The following MSRA variants were observed in gnomAD, a reference collection of about 807,000 sequenced individuals.
The protein encoded by MSRA is methionine sulfoxide reductase A.
Under a neutral mutation model 31.3 loss-of-function variants are expected in MSRA, and 54 were observed. That is an observed-to-expected ratio of 1.73 (90% CI 1.39 to 2.17). The LOEUF (loss-of-function observed/expected upper bound fraction) is 2.17, where lower values mean the gene tolerates loss of function less well. Ranked by LOEUF, MSRA falls within the 30% of genes most tolerant of loss-of-function variation. The probability of loss-of-function intolerance (pLI) is 0.00; values close to 1 mark genes in which losing one functional copy is unlikely to be tolerated. For missense variants in MSRA, 507 were observed against 300.9 expected (o/e 1.69, Z -5.07); for synonymous variants, 169 against 116.5 (o/e 1.45, Z -2.90).
intron 1 of MSRA, among the ~76,000 whole-genome samples, chr8:10,188,692 C>G (rs1050755082): frequency 3.9e-5 from 6 of 152,146 alleles, no homozygotes; most frequent in African/African-American, 1.4e-4. Flanking sequence ...ATCTCAGCAC[C>G]CTTGTCACAA....
intron 5 of MSRA, among the ~76,000 whole-genome samples, chr8:10,420,625 A>G (rs1263086939): frequency 2.0e-5 from 3 of 152,100 alleles, no homozygotes; most frequent in Non-Finnish European, 4.4e-5. Flanking sequence ...TTACTAACCC[A>G]GCCAGGTTCA....
At chr8:10,060,575 C>G (rs1253863431) in intron 1 of MSRA, among the ~76,000 whole-genome samples, 1 of 150,616 alleles carries the variant, frequency 6.6e-6, no homozygotes, top group Non-Finnish European at 1.5e-5. Context: ...TGAAGATGAT[C>G]TGTCTCGCTG....
At chr8:10,175,188 C>T (rs918478459) in intron 1 of MSRA, among the ~76,000 whole-genome samples, 4 of 152,136 alleles carry the variant, frequency 2.6e-5, no homozygotes, top group African/African-American at 4.8e-5. Flanking sequence ...TGAGATGCCA[C>T]GATGGTCACA....
chr8:10,214,542 G>C (rs1047686517), intron 2 of MSRA, among the ~76,000 whole-genome samples: 2 of 147,384 alleles, frequency 1.4e-5, no homozygotes, highest in African/African-American at 4.9e-5. Context: ...CCGGTGTGGC[G>C]TATTTCTCCC....
chr8:10,300,682 C>G (rs1800795571), intron 3 of MSRA, among the ~76,000 whole-genome samples: 1 of 152,166 alleles, frequency 6.6e-6, no homozygotes, highest in South Asian at 2.1e-4. Flanking sequence ...CCATGCCCAG[C>G]TTGCCAAATT....
At chr8:10,233,709 A>G (rs528956182) in intron 2 of MSRA, among the ~76,000 whole-genome samples, 2 of 152,364 alleles carry the variant, frequency 1.3e-5, no homozygotes, top group African/African-American at 2.4e-5. Context: ...AGATGTGTCA[A>G]CTGACATGTA....
chr8:10,321,694 G>A (rs1802051426), intron 5 of MSRA, among the ~76,000 whole-genome samples: 2 of 152,198 alleles, frequency 1.3e-5, no homozygotes, highest in Non-Finnish European at 2.9e-5. Flanking sequence ...GTTACCGCGT[G>A]AGAGATGGTA....
Position 10,428,134 on chromosome 8 carries a change from C to A in MSRA, c.544-14C>A. On this transcript the variant is annotated splice_polypyrimidine_tract_variant and intron_variant, in intron 5 of 5. Transcript: ENST00000317173. Reference sequence around the variant, plus strand: ...TAGCATGGGAGCTGATGGCGCCTTTCTGTGTCCCCACAGGTTCTTTCAGAG... The same window carrying A: ...TAGCATGGGAGCTGATGGCGCCTTTATGTGTCCCCACAGGTTCTTTCAGAG... 1 of 1,606,338 alleles carries A rather than the reference C, an allele frequency of 6.2e-7. No homozygotes were observed.
At chr8:10,226,854 G>T (rs1312417582) in intron 2 of MSRA, among the ~76,000 whole-genome samples, 1 of 152,164 alleles carries the variant, frequency 6.6e-6, no homozygotes, top group Non-Finnish European at 1.5e-5. Flanking sequence ...TTGCTCTCAG[G>T]TCCTCAGGAG....
At chr8:10,256,343 G>A (rs987773710) in intron 3 of MSRA, among the ~76,000 whole-genome samples, 2 of 152,174 alleles carry the variant, frequency 1.3e-5, no homozygotes, top group African/African-American at 2.4e-5. Flanking sequence ...TGGCCTGGAT[G>A]TACCCCAGTT....
intron 1 of MSRA, among the ~76,000 whole-genome samples, chr8:10,067,574 G>A (rs1797522593): frequency 6.6e-6 from 1 of 152,094 alleles, no homozygotes; most frequent in Non-Finnish European, 1.5e-5. Flanking sequence ...TGGGTTGTAT[G>A]GTATATGTAG....
intron 5 of MSRA, among the ~76,000 whole-genome samples, chr8:10,333,037 A>G (rs550490125): frequency 2.0e-5 from 3 of 152,316 alleles, no homozygotes; most frequent in East Asian, 1.9e-4. Flanking sequence ...GATTCTACCT[A>G]CTGCCCAGGT....
chr8:10,258,620 C>A (rs571485566), intron 3 of MSRA, among the ~76,000 whole-genome samples: 1 of 152,318 alleles, frequency 6.6e-6, no homozygotes, highest in African/African-American at 2.4e-5. Flanking sequence ...CTGCACGGTG[C>A]TTCCTGATTA....
At chr8:10,345,420 C>A (rs1191752017) in intron 5 of MSRA, among the ~76,000 whole-genome samples, 1 of 152,140 alleles carries the variant, frequency 6.6e-6, no homozygotes, top group East Asian at 1.9e-4. Context: ...GATTCACATT[C>A]CTCATGAATG....
At chr8:10,184,296 G>A (rs1806827874) in intron 1 of MSRA, among the ~76,000 whole-genome samples, 1 of 151,946 alleles carries the variant, frequency 6.6e-6, no homozygotes, top group Non-Finnish European at 1.5e-5. Context: ...TACACAGCCA[G>A]CCTCTTAAAT....
intron 1 of MSRA, among the ~76,000 whole-genome samples, chr8:10,079,371 T>C (rs1798166393): frequency 6.6e-6 from 1 of 152,082 alleles, no homozygotes; most frequent in African/African-American, 2.4e-5. Flanking sequence ...CCCAGGCTTG[T>C]CTCGAACTCG....
At chr8:10,072,839 G>C (rs117480092) in intron 1 of MSRA, among the ~76,000 whole-genome samples, 2 of 152,022 alleles carry the variant, frequency 1.3e-5, no homozygotes, top group Non-Finnish European at 2.9e-5. Context: ...CCTAACCTAA[G>C]CTTTTCATTT....
chr8:10,216,777 G>T (rs1213518678), intron 2 of MSRA, among the ~76,000 whole-genome samples: 1 of 152,130 alleles, frequency 6.6e-6, no homozygotes, highest in African/African-American at 2.4e-5. Context: ...TGTATCTATA[G>T]ACCACATTTG....
intron 5 of MSRA, among the ~76,000 whole-genome samples, chr8:10,384,616 T>C (rs1806273005): frequency 6.6e-6 from 1 of 152,226 alleles, no homozygotes; most frequent in African/African-American, 2.4e-5. Context: ...TAGGTATTTC[T>C]GGAAGCTTCC....
Sources: allele counts gnomAD v4.1 joint callset (sites outside exome capture counted in the v4.1 genomes callset), GRCh38; gene constraint gnomAD v4.1.1; transcripts MANE v1.5; gene names NCBI Gene and HGNC (gene_info 2026-07-23, HGNC 2026-07-21).